PATJ: variants seen among roughly 807,000 people sequenced by gnomAD.
PATJ encodes the protein inaD-like protein.
A neutral mutation model predicts 224.9 loss-of-function variants in PATJ; 190 were observed. The ratio of observed to expected loss-of-function variants is 0.84; its 90% CI spans 0.75 to 0.95. The LOEUF (loss-of-function observed/expected upper bound fraction) is 0.95, where lower values mean the gene tolerates loss of function less well. Among genes scored for constraint, PATJ ranks in the 40% least tolerant of loss-of-function variants. PATJ has a pLI of 0.00. For synonymous variants in PATJ, 769 were observed against 820.3 expected (o/e 0.94, Z 1.07); for missense variants, 2,121 against 2,270.3 (o/e 0.93, Z 1.34).
Position 61,923,900 on chromosome 1 carries a change from C to T in PATJ, c.3571-3830C>T, listed in dbSNP as rs574335915. Among the ~76,000 whole-genome samples the T allele has an allele frequency of 4.4e-5, 6 of 135,134 alleles. No individual in the cohort carries two copies. In the East Asian group the frequency reaches 8.5e-4, roughly 19 times the overall value. 88.7% of individuals were successfully genotyped at this position (135,134 alleles called of 152,430 possible). On this transcript the variant is annotated intron_variant, in intron 26 of 43. Coordinates refer to ENST00000642238, the MANE Select transcript of PATJ (RefSeq NM_001350145.3). Reference sequence around the variant, plus strand: ...TCTCGCCATTGCACTCGAGCCTGGACGACAAGACTGAAACTCCATCTCAAA... The same window carrying T: ...TCTCGCCATTGCACTCGAGCCTGGATGACAAGACTGAAACTCCATCTCAAA...
chr1:61,924,068 A>G (rs1289358998), intron 26 of PATJ, among the ~76,000 whole-genome samples: 2 of 151,606 alleles, frequency 1.3e-5, no homozygotes, highest in Non-Finnish European at 2.9e-5. Flanking sequence ...AGAATAGGCA[A>G]TCAGGATTCA....
At chr1:62,107,221 G>C (rs1050006692) in intron 33 of PATJ, among the ~76,000 whole-genome samples, 1 of 151,838 alleles carries the variant, frequency 6.6e-6, no homozygotes, top group Admixed American at 6.6e-5. Flanking sequence ...CAGGAGAATG[G>C]CGTGAACCCA....
At chr1:62,148,496 G>A (rs904435009) in intron 42 of PATJ, 106 bp downstream of exon 42, 12 of 768,676 alleles carry the variant, frequency 1.6e-5, no homozygotes, top group East Asian at 7.4e-5. Context: ...CAAAGCGCCC[G>A]TGACTTTTTC....
chr1:61,805,808 G>A (rs1467367679), intron 13 of PATJ, among the ~76,000 whole-genome samples: 1 of 152,212 alleles, frequency 6.6e-6, no homozygotes, highest in Admixed American at 6.5e-5. Flanking sequence ...ACTGTTGGGA[G>A]AGAGGGCTTG....
intron 31 of PATJ, chr1:62,073,490 G>A (rs1289487746): frequency 1.5e-5 from 3 of 199,190 alleles, no homozygotes; most frequent in African/African-American, 7.1e-5. Flanking sequence ...ACAAAAATTA[G>A]CCAGATGTGG....
At chr1:62,144,709 G>C (rs951427968) in intron 41 of PATJ, among the ~76,000 whole-genome samples, 2 of 146,614 alleles carry the variant, frequency 1.4e-5, no homozygotes, top group Non-Finnish European at 3.0e-5. Flanking sequence ...CCTGAGTCCT[G>C]TTGTGGACTC....
chr1:62,106,341 C>T (rs1055814747), intron 33 of PATJ, among the ~76,000 whole-genome samples: 2 of 149,116 alleles, frequency 1.3e-5, no homozygotes, highest in Admixed American at 6.8e-5. Flanking sequence ...CATGGTTGTG[C>T]ACACGTATAG....
intron 43 of PATJ, among the ~76,000 whole-genome samples, chr1:62,160,353 A>C (rs1173917159): frequency 6.6e-6 from 1 of 152,154 alleles, no homozygotes; most frequent in Non-Finnish European, 1.5e-5. Context: ...TATATTACAA[A>C]ATTTTAGAGA....
At chr1:61,897,473 C>T (rs1571177833) in intron 22 of PATJ, among the ~76,000 whole-genome samples, 1 of 152,182 alleles carries the variant, frequency 6.6e-6, no homozygotes, top group Non-Finnish European at 1.5e-5. Context: ...TAAATACCTT[C>T]GTCCTTTCTG....
At chr1:62,121,093 T>C in intron 37 of PATJ, 88 bp from the exon 38 acceptor site, 1 of 799,628 alleles carries the variant, frequency 1.3e-6, no homozygotes, top group Non-Finnish European at 2.1e-6. Flanking sequence ...TATGGTGACA[T>C]CAGTAATTGG....
intron 8 of PATJ, among the ~76,000 whole-genome samples, chr1:61,788,291 G>A (rs1649029225): frequency 6.6e-6 from 1 of 152,234 alleles, no homozygotes; most frequent in African/African-American, 2.4e-5. Flanking sequence ...AACACTGGCC[G>A]ATGTGTGAGA....
At chr1:61,981,240 G>A (rs941749874) in intron 27 of PATJ, among the ~76,000 whole-genome samples, 1 of 151,936 alleles carries the variant, frequency 6.6e-6, no homozygotes. Context: ...CTGCATGAGA[G>A]ATTAATCTGT....
At position 62,054,233 on chromosome 1, in the gene PATJ, A is replaced by G. The variant is rs1292618044; in HGVS notation, c.4125+3175A>G. On this transcript the variant is annotated intron_variant, in intron 31 of 43. Transcript: ENST00000642238. ...AAGAAATTAGCTGAGTGTGGTGACA[A>G]GCACCTGTAGTCTCAGCTACTCAAG... is the stretch of plus-strand genomic sequence containing the variant. 6 of 214,110 alleles carry G rather than the reference A, an allele frequency of 2.8e-5. No homozygotes were observed. In the East Asian group the frequency reaches 8.0e-4, roughly 29 times the overall value. 13.3% of individuals were successfully genotyped at this position (214,110 alleles called of 1,614,324 possible).
intron 4 of PATJ, among the ~76,000 whole-genome samples, chr1:61,768,401 C>T (rs1201580779): frequency 1.3e-5 from 2 of 151,640 alleles, no homozygotes; most frequent in Non-Finnish European, 2.9e-5. Context: ...ACCCAGGAGG[C>T]GGAGCTTGCA....
intron 27 of PATJ, 67 bp from the exon 28 acceptor site, chr1:61,990,101 A>G: frequency 8.7e-7 from 1 of 1,145,938 alleles, no homozygotes; most frequent in Non-Finnish European, 1.2e-6. Flanking sequence ...AAGGATGGGG[A>G]AATGCTGACA....
At chr1:62,084,292 A>G (rs1432229799) in intron 32 of PATJ, among the ~76,000 whole-genome samples, 1 of 152,110 alleles carries the variant, frequency 6.6e-6, no homozygotes, top group African/African-American at 2.4e-5. Flanking sequence ...AAAACTTTCA[A>G]GTAAAATTGA....
chr1:62,045,384 A>G (rs1027739705), intron 30 of PATJ, among the ~76,000 whole-genome samples: 2 of 152,240 alleles, frequency 1.3e-5, no homozygotes, highest in African/African-American at 4.8e-5. Context: ...ATATAAAAAA[A>G]AAGGAGTTTA....
intron 27 of PATJ, among the ~76,000 whole-genome samples, chr1:61,983,913 C>T (rs1179555792): frequency 1.3e-4 from 19 of 151,758 alleles, no homozygotes; most frequent in Admixed American, 1.2e-3. Flanking sequence ...CAGCCTCAAC[C>T]TCCTGGGCTC....
intron 33 of PATJ, among the ~76,000 whole-genome samples, chr1:62,106,495 G>A (rs1341019163): frequency 6.6e-6 from 1 of 151,836 alleles, no homozygotes; most frequent in East Asian, 1.9e-4. Context: ...AAGTTAAAAA[G>A]CAAACAAACA....
Sources: gnomAD v4.1 joint callset for allele counts (sites outside exome capture counted in the v4.1 genomes callset) on GRCh38, gnomAD v4.1.1 for gene constraint, MANE v1.5 for transcripts, NCBI Gene and HGNC (gene_info 2026-07-23, HGNC 2026-07-21) for gene names.